Variants in GALNT17 observed in about 807,000 individuals in gnomAD.
The protein encoded by GALNT17 is UDP-GalNAc:polypeptide N-acetylgalactosaminyltransferase-like 3.
Under a neutral mutation model 63.7 loss-of-function variants are expected in GALNT17, and 29 were observed. The ratio of observed to expected loss-of-function variants is 0.46; its 90% CI spans 0.34 to 0.62. GALNT17 has a LOEUF of 0.62. Among genes scored for constraint, GALNT17 ranks in the 20% least tolerant of loss-of-function variants. The pLI, the probability that GALNT17 is intolerant of heterozygous loss-of-function variation, is 0.01. For missense variants in GALNT17, 603 were observed against 799.6 expected (o/e 0.75, Z 2.97); for synonymous variants, 305 against 318.3 (o/e 0.96, Z 0.45).
intron 1 of GALNT17, among the ~76,000 whole-genome samples, chr7:71,133,878 G>C (rs1787733890): frequency 6.6e-6 from 1 of 152,102 alleles, no homozygotes; most frequent in African/African-American, 2.4e-5. Flanking sequence ...GGATGCGTGG[G>C]GTTATCCAAG....
At chr7:71,195,389 A>AT (rs1254407059) in intron 1 of GALNT17, among the ~76,000 whole-genome samples, 4 of 109,958 alleles carry the variant, frequency 3.6e-5, no homozygotes, top group Non-Finnish European at 5.9e-5. Context: ...AATATTTTCA[A>AT]TTTTTTTGTA....
At chr7:71,158,764 A>G (rs1788284821) in intron 1 of GALNT17, among the ~76,000 whole-genome samples, 1 of 151,434 alleles carries the variant, frequency 6.6e-6, no homozygotes, top group African/African-American at 2.4e-5. Context: ...TTTAGTAGAG[A>G]TGGGGTTTCA....
Position 71,499,019 on chromosome 7 carries a change from T to C in GALNT17, c.963-72266T>C, listed in dbSNP as rs116118438. Among the ~76,000 whole-genome samples the C allele has an allele frequency of 6.2e-3, 939 of 152,350 alleles. 19 individuals carry two copies. The highest frequency in any genetic ancestry group is 0.021 in the African/African-American group (892 of 41,582). ...ACCTGTAAGGATGACCTGCAGGACA[T>C]TGGAATATTTTGTGAATCTCCATAG... On this transcript the variant is annotated intron_variant, in intron 5 of 10. Transcript: ENST00000333538.
In GALNT17 at chr7:71,242,747, TGC is replaced by T. The variant is rs1790022843; in HGVS notation, c.239-92802_239-92801del. ...GCCTGGGCCCCTGAGGACTTTGCTG[TGC>T]AAGACTGCCATCTTCCCTGGTAAAG... On this transcript the variant is annotated intron_variant, in intron 1 of 10. Coordinates refer to ENST00000333538, the MANE Select transcript of GALNT17 (RefSeq NM_022479.3). Among the ~76,000 whole-genome samples, 11 of 152,302 alleles carry T rather than the reference TGC, an allele frequency of 7.2e-5. 1 individual carries two copies. In the South Asian group the frequency reaches 2.3e-3, roughly 32 times the overall value.
At chr7:71,390,986 G>A (rs1003927152) in intron 3 of GALNT17, among the ~76,000 whole-genome samples, 7 of 152,304 alleles carry the variant, frequency 4.6e-5, no homozygotes, top group East Asian at 1.9e-4. Flanking sequence ...ATGAGGCCCC[G>A]GTTCTGTGCT....
At chr7:71,297,803 A>G (rs1583839576) in intron 1 of GALNT17, among the ~76,000 whole-genome samples, 1 of 152,330 alleles carries the variant, frequency 6.6e-6, no homozygotes, top group East Asian at 1.9e-4. Flanking sequence ...AATTTGAACA[A>G]GTATCTTGTA....
chr7:71,556,864 C>T (rs755187705), intron 5 of GALNT17, among the ~76,000 whole-genome samples: 5 of 152,046 alleles, frequency 3.3e-5, no homozygotes, highest in Non-Finnish European at 7.4e-5. Context: ...CTGCGCCTGG[C>T]CCCCTTGACA....
chr7:71,140,798 G>T (rs1444428108), intron 1 of GALNT17, among the ~76,000 whole-genome samples: 1 of 151,746 alleles, frequency 6.6e-6, no homozygotes, highest in Non-Finnish European at 1.5e-5. Context: ...GAGGTGGAAG[G>T]ATGGCTTGAG....
At chr7:71,359,943 A>G (rs1044982699) in intron 2 of GALNT17, among the ~76,000 whole-genome samples, 1 of 152,172 alleles carries the variant, frequency 6.6e-6, no homozygotes, top group Non-Finnish European at 1.5e-5. Flanking sequence ...GGTCTCCACG[A>G]TCTCCCCACT....
rs571833802 is a variant in GALNT17, at chr7:71,480,447, G to A, written c.962+59342G>A. Among the ~76,000 whole-genome samples the A allele has an allele frequency of 1.9e-3, 291 of 152,040 alleles. 1 individual carries two copies. The highest frequency in any genetic ancestry group is 3.5e-3 in the Non-Finnish European group (241 of 68,002). On this transcript the variant is annotated intron_variant, in intron 5 of 10. Coordinates refer to ENST00000333538, the MANE Select transcript of GALNT17 (RefSeq NM_022479.3). ...TTCCATTTTCCTCTCCTACTCATAC[G>A]TGGCATCCTCTGCAATGCCTCGAAC...
chr7:71,287,039 A>T (rs148328329), intron 1 of GALNT17, among the ~76,000 whole-genome samples: 1 of 151,920 alleles, frequency 6.6e-6, no homozygotes, highest in Non-Finnish European at 1.5e-5. Context: ...AGTCAAGTGA[A>T]AGTGCTGGGA....
At chr7:71,521,321 A>C (rs1352054904) in intron 5 of GALNT17, among the ~76,000 whole-genome samples, 1 of 151,988 alleles carries the variant, frequency 6.6e-6, no homozygotes. Context: ...CCAGGTGGAC[A>C]CAGCAGCCAG....
intron 1 of GALNT17, among the ~76,000 whole-genome samples, chr7:71,285,309 G>A (rs1790853644): frequency 6.6e-6 from 1 of 152,056 alleles, no homozygotes; most frequent in African/African-American, 2.4e-5. Context: ...CCTTCTTCCA[G>A]TATGGTTGGC....
chr7:71,405,914 C>T (rs979070822), intron 3 of GALNT17, among the ~76,000 whole-genome samples: 3 of 152,316 alleles, frequency 2.0e-5, no homozygotes, highest in Admixed American at 2.0e-4. Context: ...TCCGTTTTCT[C>T]ATCTGTAAAA....
intron 5 of GALNT17, among the ~76,000 whole-genome samples, chr7:71,429,096 A>G (rs1786814004): frequency 1.3e-5 from 2 of 152,176 alleles, no homozygotes; most frequent in South Asian, 4.1e-4. Context: ...AATTTTTGCA[A>G]GATCTCTTTT....
At chr7:71,256,926 T>A (rs1332573316) in intron 1 of GALNT17, among the ~76,000 whole-genome samples, 1 of 151,990 alleles carries the variant, frequency 6.6e-6, no homozygotes, top group Non-Finnish European at 1.5e-5. Flanking sequence ...AATGCAGAGG[T>A]AGAGAACATT....
chr7:71,150,671 C>T (rs868263326), intron 1 of GALNT17, among the ~76,000 whole-genome samples: 13 of 151,768 alleles, frequency 8.6e-5, no homozygotes, highest in Non-Finnish European at 1.8e-4. Context: ...CCACCATGCC[C>T]GGCTAATTTT....
chr7:71,189,789 A>G (rs992942148), intron 1 of GALNT17, among the ~76,000 whole-genome samples: 15 of 151,068 alleles, frequency 9.9e-5, no homozygotes, highest in African/African-American at 3.4e-4. Flanking sequence ...AAGACTATAC[A>G]TAAAATAAGC....
At chr7:71,684,457 T>G (rs1266961043) in intron 9 of GALNT17, among the ~76,000 whole-genome samples, 2 of 152,144 alleles carry the variant, frequency 1.3e-5, no homozygotes, top group Non-Finnish European at 2.9e-5. Flanking sequence ...CAGCCCAGGG[T>G]TTGAACAGTG....
Sources: gnomAD v4.1 joint callset for allele counts (sites outside exome capture counted in the v4.1 genomes callset) on GRCh38, gnomAD v4.1.1 for gene constraint, MANE v1.5 for transcripts, NCBI Gene and HGNC (gene_info 2026-07-23, HGNC 2026-07-21) for gene names.